Variants in NCAPG2 observed in about 807,000 individuals in gnomAD.
NCAPG2 encodes the protein condensin-2 complex subunit G2.
In NCAPG2, 53 loss-of-function variants were observed where a neutral mutation model predicts 141.1. The ratio of observed to expected loss-of-function variants is 0.38; its 90% CI spans 0.30 to 0.47. The LOEUF (loss-of-function observed/expected upper bound fraction) is 0.47. NCAPG2 is among the 20% of genes least tolerant of loss of function. The probability of loss-of-function intolerance (pLI) is 0.99; values close to 1 mark genes in which losing one functional copy is unlikely to be tolerated. For missense variants in NCAPG2, 1,087 were observed against 1,389.0 expected (o/e 0.78, Z 3.46); for synonymous variants, 499 against 490.7 (o/e 1.02, Z -0.22).
At chr7:158,690,445 T>C in intron 5 of NCAPG2, 123 bp downstream of exon 5, 3 of 903,094 alleles carry the variant, frequency 3.3e-6, no homozygotes, top group Non-Finnish European at 5.0e-6. Context: ...CTTGAGAGGC[T>C]GAGGCAGGAG....
chr7:158,680,757 A>G lies in NCAPG2; in HGVS notation c.984T>C (p.Tyr328=), dbSNP rs1226609507. 6.2e-7 allele frequency: 1 copy of G among 1,604,900 alleles called. No homozygotes were observed. Reference sequence around the variant, plus strand: ...TCCAAAGGATGGGCTTATATAATCTATAAAGCATCTCTTCCACTCCCTGCC... The same window carrying G: ...TCCAAAGGATGGGCTTATATAATCTGTAAAGCATCTCTTCCACTCCCTGCC... The part of the protein sequence containing the change: ...KVRQGVEEML[Y]RLYKPILWRG... The change falls in exon 10 of 28, where the codon TAT becomes TAC. Residue 328 remains tyrosine, a synonymous_variant. Transcript: ENST00000356309.
In NCAPG2 at chr7:158,676,965, T is replaced by C. The variant is rs182141923; in HGVS notation, c.1147-1309A>G. ...TAACCTAGACATTCCTAGGTAAGGGTGCTCTAAAGACAGGAGGCTGTGACC... is the reference window on the plus strand; with the variant it reads ...TAACCTAGACATTCCTAGGTAAGGGCGCTCTAAAGACAGGAGGCTGTGACC... On this transcript the variant is annotated intron_variant, in intron 11 of 27. Transcript: ENST00000356309. Among the ~76,000 whole-genome samples, 332 of 152,064 alleles carry C rather than the reference T, an allele frequency of 2.2e-3. 1 individual carries two copies. Among genetic ancestry groups the C allele is most frequent in the Non-Finnish European group, 3.4e-3 (229 of 67,966 alleles).
At position 158,667,135 on chromosome 7, in the gene NCAPG2, C is replaced by A. The variant is rs187803537; in HGVS notation, c.1480-2385G>T. 2.0e-4 allele frequency: 200 copies of A among 985,300 alleles called. 4 individuals carry two copies. In the East Asian group the frequency reaches 0.015, roughly 73 times the overall value. 61.0% of individuals were successfully genotyped at this position (985,300 alleles called of 1,614,324 possible). On this transcript the variant is annotated intron_variant, in intron 13 of 27. Transcript: ENST00000356309. ...AATTAGCTTGCATGCTCGTCACAAACCTTTCCAGACACCTCACAACCAAAT... is the reference window on the plus strand; with the variant it reads ...AATTAGCTTGCATGCTCGTCACAAAACTTTCCAGACACCTCACAACCAAAT...
intron 13 of NCAPG2, among the ~76,000 whole-genome samples, chr7:158,670,992 C>G (rs2129464315): frequency 6.7e-6 from 1 of 150,296 alleles, no homozygotes; most frequent in South Asian, 2.1e-4. Context: ...AGAACTAGAG[C>G]TGAAAGAGAA....
At chr7:158,651,228 C>A (rs1831470096) in intron 23 of NCAPG2, among the ~76,000 whole-genome samples, 1 of 151,948 alleles carries the variant, frequency 6.6e-6, no homozygotes, top group Non-Finnish European at 1.5e-5. Flanking sequence ...TTCCCCAAAG[C>A]CAAGAAAAAC....
chr7:158,634,803 C>G (rs1002563430), intron 27 of NCAPG2, among the ~76,000 whole-genome samples: 2 of 152,106 alleles, frequency 1.3e-5, no homozygotes, highest in African/African-American at 4.8e-5. Context: ...AAGAATTGAA[C>G]ACACTATGTA....
At chr7:158,658,317 A>C in intron 17 of NCAPG2, 21 bp downstream of exon 17, 2 of 1,594,486 alleles carry the variant, frequency 1.3e-6, no homozygotes, top group Middle Eastern at 1.7e-4. Context: ...TTTCTACCGT[A>C]CCAAAAAACA....
rs114548562 is a variant in NCAPG2 at position 158,645,009 on chromosome 7, T to C, written c.3280+510A>G. Among the ~76,000 whole-genome samples the C allele has an allele frequency of 8.5e-3, 1,291 of 152,350 alleles. 18 individuals are homozygous for C. The highest frequency in any genetic ancestry group is 0.029 in the African/African-American group (1,218 of 41,574). On this transcript the variant is annotated intron_variant, in intron 26 of 27. Coordinates refer to ENST00000356309, the MANE Select transcript of NCAPG2 (RefSeq NM_017760.7). ...GGCAGTCACCCTGCAGGGATGTTAC[T>C]ACATTTTATACTGAGCTAAGCATCT...
chr7:158,663,532 C>T (rs1832698005), intron 15 of NCAPG2, among the ~76,000 whole-genome samples: 1 of 152,190 alleles, frequency 6.6e-6, no homozygotes. Context: ...ATCTGCTGCC[C>T]CTGCTAGGAA....
rs1428612511 is a variant in NCAPG2 at position 158,692,886 on chromosome 7, C to G, written c.338G>C (p.Ser113Thr). 16 of 1,593,608 alleles carry G rather than the reference C, an allele frequency of 1.0e-5. No homozygotes were observed. The highest frequency in any genetic ancestry group is 1.4e-5 in the Non-Finnish European group (16 of 1,165,476). The change falls in exon 4 of 28, where the codon AGT becomes ACT. Residue 113 changes from serine to threonine, a missense_variant. By Grantham distance (58) the Ser-to-Thr change is moderately conservative (BLOSUM62 1). Coordinates refer to ENST00000356309, the MANE Select transcript of NCAPG2 (RefSeq NM_017760.7). ...TTCCAGTAGGGCTTCGTAGTTCTCACTTTCATTTATTACAGACACAGAAGC... is the reference window on the plus strand; with the variant it reads ...TTCCAGTAGGGCTTCGTAGTTCTCAGTTTCATTTATTACAGACACAGAAGC... The part of the protein sequence containing the change: ...ILASVSVINE[S>T]ENYEALLECV...
chr7:158,675,332 A>C, intron 12 of NCAPG2, 145 bp downstream of exon 12: 1 of 943,552 alleles, frequency 1.1e-6, no homozygotes, highest in South Asian at 2.2e-5. Flanking sequence ...TGGTTTTTAA[A>C]AACCTTACTT....
chr7:158,684,136 C>T (rs1834614044), intron 8 of NCAPG2, among the ~76,000 whole-genome samples: 1 of 152,250 alleles, frequency 6.6e-6, no homozygotes, highest in African/African-American at 2.4e-5. Flanking sequence ...GAAAATATTT[C>T]CTTCACCTGA....
intron 13 of NCAPG2, chr7:158,668,640 G>A (rs1587201879): frequency 6.3e-6 from 1 of 159,452 alleles, no homozygotes; most frequent in East Asian, 1.9e-4. Flanking sequence ...CACTATATTA[G>A]TCTCTCTGCT....
intron 16 of NCAPG2, among the ~76,000 whole-genome samples, chr7:158,659,025 TAAAAAAAAA>T (rs55893307): frequency 3.1e-5 from 3 of 97,740 alleles, no homozygotes; most frequent in African/African-American, 1.2e-4. Flanking sequence ...GCATTATATT[TAAAAAAAAA>T]AAAAAAAAAA....
chr7:158,657,693 G>T (rs12670222), intron 17 of NCAPG2, among the ~76,000 whole-genome samples: 45,435 of 152,090 alleles, frequency 0.3, 6,987 homozygotes, highest in East Asian at 0.4. Flanking sequence ...TGACAATGGC[G>T]GTTTTGTGGA....
At chr7:158,641,533 G>A (rs1206644940) in intron 27 of NCAPG2, 2 of 660,960 alleles carry the variant, frequency 3.0e-6, no homozygotes, top group Non-Finnish European at 5.4e-6. Flanking sequence ...CCCAGCCTGG[G>A]CAACACAGCA....
At chr7:158,655,284 A>T in intron 20 of NCAPG2, 26 bp from the exon 21 acceptor site, 1 of 1,613,720 alleles carries the variant, frequency 6.2e-7, no homozygotes, top group South Asian at 1.1e-5. Flanking sequence ...AAGATAAATC[A>T]GTAACAAAAA....
chr7:158,682,116 A>T (rs924619778), intron 9 of NCAPG2, among the ~76,000 whole-genome samples: 1 of 152,184 alleles, frequency 6.6e-6, no homozygotes, highest in African/African-American at 2.4e-5. Flanking sequence ...CCAAATAGTG[A>T]TATCTATACT....
rs2129455004 is a variant in NCAPG2, at chr7:158,631,594, T to C, written c.*72A>G. ...TATGGGTTATTAACATTAAAAACAA[T>C]AGGAAAATACACAGGCATTTCAATT... On this transcript the variant is annotated 3_prime_UTR_variant, in exon 28 of 28. Coordinates refer to ENST00000356309, the MANE Select transcript of NCAPG2 (RefSeq NM_017760.7). 1 of 1,347,342 alleles carries C rather than the reference T, an allele frequency of 7.4e-7. No homozygotes were observed. The highest frequency in any genetic ancestry group is 2.3e-5 in the East Asian group (1 of 43,540). The allele number at this position is 1,347,342 out of a possible 1,614,324, so 83.5% of individuals were successfully genotyped here. A position where few individuals can be genotyped will look rare whatever the true frequency, so the allele number is the denominator to read the frequency against.
Sources: allele counts gnomAD v4.1 joint callset (sites outside exome capture counted in the v4.1 genomes callset), GRCh38; gene constraint gnomAD v4.1.1; transcripts MANE v1.5; gene names NCBI Gene and HGNC (gene_info 2026-07-23, HGNC 2026-07-21).